EYS: variants seen among roughly 807,000 people sequenced by gnomAD.
The protein encoded by EYS is EGF-like photoreceptor maintenance factor, also known as protein eyes shut homolog.
A neutral mutation model predicts 282.1 loss-of-function variants in EYS; 250 were observed. The observed-to-expected ratio is 0.89, with a 90% CI of 0.80 to 0.98. The LOEUF (loss-of-function observed/expected upper bound fraction) is 0.98. EYS is among the 50% of genes least tolerant of loss of function. The probability of loss-of-function intolerance (pLI) is 0.00; values close to 1 mark genes in which losing one functional copy is unlikely to be tolerated. For synonymous variants in EYS, 1,355 were observed against 1,282.9 expected (o/e 1.06, Z -1.20); for missense variants, 4,016 against 3,709.0 (o/e 1.08, Z -2.15).
At chr6:64,851,459 G>T (rs887358921) in intron 19 of EYS, among the ~76,000 whole-genome samples, 3 of 152,084 alleles carry the variant, frequency 2.0e-5, no homozygotes, top group African/African-American at 4.8e-5. Flanking sequence ...ATTCATACCT[G>T]ATTTAGATGA....
At chr6:64,003,443 A>G (rs189786731) in intron 33 of EYS, among the ~76,000 whole-genome samples, 2 of 152,312 alleles carry the variant, frequency 1.3e-5, no homozygotes, top group Admixed American at 1.3e-4. Flanking sequence ...AATAAATAAT[A>G]TGATTGGATT....
Position 65,533,938 on chromosome 6 carries a change from T to C in EYS, c.-332-37945A>G, listed in dbSNP as rs535932488. Among the ~76,000 whole-genome samples, 16 of 152,206 alleles carry C rather than the reference T, an allele frequency of 1.1e-4. No individual in the cohort carries two copies. The East Asian group carries it at 2.7e-3, about 26-fold the overall frequency. Reference sequence around the variant, plus strand: ...GAAACACAGATCAATCTCAACTCATTGGCATGGGTAGTGATAGACAATAAC... The same window carrying C: ...GAAACACAGATCAATCTCAACTCATCGGCATGGGTAGTGATAGACAATAAC... On this transcript the variant is annotated intron_variant, in intron 2 of 42. Coordinates refer to ENST00000503581, the MANE Select transcript of EYS (RefSeq NM_001142800.2).
At chr6:65,256,300 G>A (rs1025928762) in intron 12 of EYS, among the ~76,000 whole-genome samples, 1 of 142,686 alleles carries the variant, frequency 7.0e-6, no homozygotes, top group African/African-American at 2.7e-5. Flanking sequence ...TAAAGTTTTA[G>A]GGTACATGTG....
intron 2 of EYS, among the ~76,000 whole-genome samples, chr6:65,560,529 C>T (rs1333075105): frequency 2.0e-5 from 3 of 149,452 alleles, no homozygotes; most frequent in African/African-American, 7.3e-5. Flanking sequence ...ATGTGGTGTA[C>T]GTGTGTGTAT....
intron 7 of EYS, among the ~76,000 whole-genome samples, chr6:65,397,844 T>TA (rs1766345621): frequency 6.6e-6 from 1 of 152,036 alleles, no homozygotes; most frequent in South Asian, 2.1e-4. Context: ...CTGTTTTCTA[T>TA]AGAGATGTAC....
chr6:64,002,594 C>A (rs759411173), intron 33 of EYS, among the ~76,000 whole-genome samples: 4 of 152,194 alleles, frequency 2.6e-5, no homozygotes, highest in Non-Finnish European at 5.9e-5. Context: ...CTGCATGCTA[C>A]TTCTAGGGGT....
intron 30 of EYS, among the ~76,000 whole-genome samples, chr6:64,305,089 A>G (rs1372263735): frequency 1.3e-5 from 2 of 152,232 alleles, no homozygotes; most frequent in Admixed American, 1.3e-4. Context: ...AATAAAAAGA[A>G]GACTCAATTA....
chr6:65,627,313 G>C (rs1766738551), intron 2 of EYS, among the ~76,000 whole-genome samples: 1 of 151,652 alleles, frequency 6.6e-6, no homozygotes, highest in African/African-American at 2.4e-5. Context: ...GTTTAACAAA[G>C]AGAATTTGTG....
At chr6:64,345,045 A>G (rs947783301) in intron 29 of EYS, among the ~76,000 whole-genome samples, 3 of 152,170 alleles carry the variant, frequency 2.0e-5, no homozygotes, top group Admixed American at 1.3e-4. Context: ...CAATGAAATC[A>G]AAGAGGATAC....
chr6:64,092,575 C>A (rs1772408695), intron 31 of EYS, among the ~76,000 whole-genome samples: 1 of 152,158 alleles, frequency 6.6e-6, no homozygotes, highest in African/African-American at 2.4e-5. Context: ...TGTTCATATC[C>A]TTTGCCCACT....
chr6:65,334,913 G>T, intron 11 of EYS, 67 bp downstream of exon 11: 1 of 1,446,066 alleles, frequency 6.9e-7, no homozygotes, highest in Non-Finnish European at 9.6e-7. Context: ...GAAACAGTTC[G>T]ATGACTATCA....
intron 40 of EYS, among the ~76,000 whole-genome samples, chr6:63,773,431 T>C (rs1769985168): frequency 6.6e-6 from 1 of 152,198 alleles, no homozygotes; most frequent in Non-Finnish European, 1.5e-5. Flanking sequence ...GAAACTCAGC[T>C]GATTGCTTGG....
chr6:63,851,519 C>A (rs542326685), intron 36 of EYS, among the ~76,000 whole-genome samples: 15 of 152,292 alleles, frequency 9.8e-5, no homozygotes, highest in Non-Finnish European at 1.5e-4. Context: ...TTAAGAAACT[C>A]ACTCAGAACT....
At chr6:65,488,680 G>A (rs1376481663) in intron 5 of EYS, among the ~76,000 whole-genome samples, 1 of 152,116 alleles carries the variant, frequency 6.6e-6, no homozygotes, top group Non-Finnish European at 1.5e-5. Flanking sequence ...ACAATCCTGG[G>A]CAAGAAGAAC....
chr6:65,364,272 T>A (rs1764828921), intron 8 of EYS, among the ~76,000 whole-genome samples: 1 of 150,112 alleles, frequency 6.7e-6, no homozygotes, highest in Non-Finnish European at 1.5e-5. Context: ...TTTTTTTCAA[T>A]TTATGGTAGA....
chr6:65,515,242 T>C (rs1231856948), intron 2 of EYS, among the ~76,000 whole-genome samples: 1 of 151,570 alleles, frequency 6.6e-6, no homozygotes, highest in Non-Finnish European at 1.5e-5. Flanking sequence ...CACAATGAGA[T>C]ACCATCTCAC....
intron 29 of EYS, among the ~76,000 whole-genome samples, chr6:64,360,211 A>T (rs1316111567): frequency 6.6e-6 from 1 of 151,774 alleles, no homozygotes; most frequent in Non-Finnish European, 1.5e-5. Context: ...GAGGAAACTA[A>T]CTACTAGAGG....
At chr6:65,694,982 A>G (rs1769391080) in intron 1 of EYS, among the ~76,000 whole-genome samples, 1 of 152,094 alleles carries the variant, frequency 6.6e-6, no homozygotes, top group East Asian at 1.9e-4. Flanking sequence ...AAATTTTCAA[A>G]ATGAAGGAGA....
intron 11 of EYS, among the ~76,000 whole-genome samples, chr6:65,310,781 T>A (rs1229175369): frequency 2.0e-5 from 3 of 152,160 alleles, no homozygotes; most frequent in African/African-American, 7.2e-5. Flanking sequence ...ATAAGCTCCA[T>A]GTCTAACTCA....
Sources: gnomAD v4.1 joint callset for allele counts (sites outside exome capture counted in the v4.1 genomes callset) on GRCh38, gnomAD v4.1.1 for gene constraint, MANE v1.5 for transcripts, NCBI Gene and HGNC (gene_info 2026-07-23, HGNC 2026-07-21) for gene names.